The following ANO1 variants were observed in gnomAD, a reference collection of about 807,000 sequenced individuals.
ANO1 encodes anoctamin-1.
Under a neutral mutation model 124.0 loss-of-function variants are expected in ANO1, and 59 were observed. The observed-to-expected ratio is 0.48, with a 90% CI of 0.39 to 0.59. ANO1 has a LOEUF of 0.59. Ranked by LOEUF, ANO1 falls within the 20% of genes least tolerant of loss-of-function variation. The pLI, the probability that ANO1 is intolerant of heterozygous loss-of-function variation, is 0.00. For synonymous variants in ANO1, 529 were observed against 532.0 expected, an observed-to-expected ratio of 0.99 and a Z score of 0.08; for missense variants, 1,059 against 1,328.0, an observed-to-expected ratio of 0.80 and a Z score of 3.15.
chr11:70,076,020 C>T (rs2044052478), upstream of ANO1, among the ~76,000 whole-genome samples: 1 of 152,238 alleles, frequency 6.6e-6, no homozygotes, highest in Non-Finnish European at 1.5e-5. Flanking sequence ...AGAACTGGTC[C>T]TCTCTGGCCC....
intron 7 of ANO1, among the ~76,000 whole-genome samples, chr11:70,114,219 C>T (rs1319776079): frequency 6.6e-6 from 1 of 152,230 alleles, no homozygotes; most frequent in Non-Finnish European, 1.5e-5. Flanking sequence ...AGACCACTTG[C>T]CCAGGGGCGC....
chr11:70,135,277 G>A (rs1017421593), intron 11 of ANO1, among the ~76,000 whole-genome samples: 7 of 152,160 alleles, frequency 4.6e-5, no homozygotes, highest in South Asian at 2.1e-4. Context: ...AAAGGCCTCC[G>A]ATGGAAAAGA....
intron 1 of ANO1, among the ~76,000 whole-genome samples, chr11:70,082,909 G>A (rs1167966244): frequency 6.6e-6 from 1 of 151,992 alleles, no homozygotes; most frequent in African/African-American, 2.4e-5. Flanking sequence ...AGTGTAGACG[G>A]GAGAGAGCCC....
Position 70,180,075 on chromosome 11 carries a change from C to T in ANO1, c.2403+19C>T. On this transcript the variant is annotated intron_variant, in intron 23 of 25. Transcript: ENST00000355303. ...CATCAATGTAAGTGACATCAGGGAC[C>T]TTGGCAGAATGGAAGTCCCGGCTGA... The T allele has an allele frequency of 1.9e-6, 3 of 1,609,072 alleles. No homozygotes were observed. The highest frequency in any genetic ancestry group is 2.6e-6 in the Non-Finnish European group (3 of 1,175,718).
chr11:70,135,731 G>C (rs2046930805), intron 11 of ANO1, among the ~76,000 whole-genome samples: 1 of 152,216 alleles, frequency 6.6e-6, no homozygotes, highest in African/African-American at 2.4e-5. Context: ...ACATTCCCAG[G>C]GGAAGGGAGG....
intron 1 of ANO1, among the ~76,000 whole-genome samples, chr11:70,039,207 C>T (rs1857142598): frequency 6.6e-6 from 1 of 152,116 alleles, no homozygotes; most frequent in Non-Finnish European, 1.5e-5. Flanking sequence ...CGAATCCTTC[C>T]TGATAGTCCT....
At chr11:70,130,133 C>T (rs1341058952) in intron 10 of ANO1, among the ~76,000 whole-genome samples, 1 of 152,232 alleles carries the variant, frequency 6.6e-6, no homozygotes, top group Non-Finnish European at 1.5e-5. Context: ...CATCCCCCCA[C>T]ATCACCCTCC....
chr11:70,147,853 G>T (rs147411425), intron 11 of ANO1, among the ~76,000 whole-genome samples: 14 of 152,284 alleles, frequency 9.2e-5, no homozygotes, highest in African/African-American at 3.4e-4. Flanking sequence ...TCCTGCTGTG[G>T]GTCATCTCTG....
rs375527004 is a variant in ANO1 at position 70,020,287 on chromosome 11, T to A, written c.58+34121T>A. ...CAGCCCACTTCCTATCCACAGGAAA[T>A]CCCCCACACCCTTCTTCCATCCTCA... is the stretch of plus-strand genomic sequence containing the variant. On this transcript the variant is annotated intron_variant, in intron 1 of 27. Transcript: ENST00000531349. Among the ~76,000 whole-genome samples the A allele has an allele frequency of 5.9e-5, 9 of 152,080 alleles. No homozygotes were observed. In the East Asian group the frequency reaches 1.3e-3, roughly 23 times the overall value.
chr11:70,116,106 A>G (rs2045964087), intron 7 of ANO1, among the ~76,000 whole-genome samples: 1 of 152,306 alleles, frequency 6.6e-6, no homozygotes, highest in African/African-American at 2.4e-5. Flanking sequence ...TACGCACCCT[A>G]TTGATACGAC....
rs1565163619 is a variant in ANO1, at chr11:70,025,710, GTGATGATGATGGTGGTGGTGATGGTGA to G, written c.58+39556_58+39582del. Among the ~76,000 whole-genome samples the G allele has an allele frequency of 1.9e-3, 262 of 138,226 alleles. 1 individual carries two copies. Among genetic ancestry groups the G allele is most frequent in the East Asian group, 2.4e-3 (10 of 4,254 alleles). 90.7% of individuals were successfully genotyped at this position (138,226 alleles called of 152,430 possible). ...GACGATGATGATGGTGGTGGTGATG[GTGATGATGATGGTGGTGGTGATGGTGA>G]TGATGATGATGATGGTGGTGGTGGT... On this transcript the variant is annotated intron_variant, in intron 1 of 27. Transcript: ENST00000531349.
At chr11:70,027,903 C>A (rs1591043759) in intron 1 of ANO1, among the ~76,000 whole-genome samples, 1 of 152,192 alleles carries the variant, frequency 6.6e-6, no homozygotes, top group East Asian at 1.9e-4. Flanking sequence ...TAAAGATCTT[C>A]GTCTGTAGAA....
chr11:69,972,501 C>T, the ANO1 span, among the ~76,000 whole-genome samples: 2 of 152,130 alleles, frequency 1.3e-5, no homozygotes, highest in Non-Finnish European at 1.5e-5. Flanking sequence ...CTGCTGTGTA[C>T]GTATTTCCTT....
Position 70,006,611 on chromosome 11 carries a change from CTCTT to C in ANO1, c.58+20458_58+20461del, listed in dbSNP as rs782401656. On this transcript the variant is annotated intron_variant, in intron 1 of 27. Coordinates refer to the ANO1 transcript ENST00000531349. ...ACTTTCTTTCTTTCCTTCTTTCTTT[CTCTT>C]TCTTTCTTTCTTCTTTCTTTTCTTT... 1.2e-3 allele frequency among the ~76,000 whole-genome samples: 166 copies of C among 144,196 alleles called. 1 individual carries two copies. Among genetic ancestry groups the C allele is most frequent in the African/African-American group, 3.3e-3 (130 of 39,052 alleles). 94.6% of individuals were successfully genotyped at this position (144,196 alleles called of 152,430 possible).
intron 1 of ANO1, among the ~76,000 whole-genome samples, chr11:70,058,636 G>A (rs1328053871): frequency 2.6e-5 from 4 of 152,192 alleles, no homozygotes; most frequent in Non-Finnish European, 5.9e-5. Context: ...AAGCAAGAAA[G>A]CACATCCATA....
intron 1 of ANO1, among the ~76,000 whole-genome samples, chr11:69,992,852 T>G (rs1325976818): frequency 6.8e-6 from 1 of 148,040 alleles, no homozygotes; most frequent in Non-Finnish European, 1.5e-5. Context: ...GTTTTCATGC[T>G]GTGTAATGAA....
At chr11:69,977,707 CAG>C in the ANO1 span, among the ~76,000 whole-genome samples, 2 of 152,342 alleles carry the variant, frequency 1.3e-5, no homozygotes, top group East Asian at 3.9e-4. Context: ...AAGGACAATG[CAG>C]CCAGCTCCTC....
chr11:70,119,124 G>C (rs1317207136), intron 8 of ANO1, among the ~76,000 whole-genome samples: 3 of 149,444 alleles, frequency 2.0e-5, no homozygotes, highest in Non-Finnish European at 3.0e-5. Context: ...TGGATGATGG[G>C]TGAGTGGGTG....
intron 1 of ANO1, among the ~76,000 whole-genome samples, chr11:70,085,934 C>T (rs115807920): frequency 8.5e-4 from 129 of 152,366 alleles, no homozygotes; most frequent in African/African-American, 3.0e-3. Context: ...CCGGAAGCTG[C>T]CCAGGGGCTC....
Sources: gnomAD v4.1 joint callset for allele counts (sites outside exome capture counted in the v4.1 genomes callset) on GRCh38, gnomAD v4.1.1 for gene constraint, MANE v1.5 for transcripts, NCBI Gene and HGNC (gene_info 2026-07-23, HGNC 2026-07-21) for gene names.